Variants in SHANK2 observed in about 807,000 individuals in gnomAD.
The protein encoded by SHANK2 is SH3 and multiple ankyrin repeat domains 2, also known as SH3 and multiple ankyrin repeat domains protein 2.
A neutral mutation model predicts 133.7 loss-of-function variants in SHANK2; 43 were observed. That is an observed-to-expected ratio of 0.32 (90% CI 0.25 to 0.41). The LOEUF (loss-of-function observed/expected upper bound fraction) is 0.41. Ranked by LOEUF, SHANK2 falls within the 10% of genes least tolerant of loss-of-function variation. The pLI, the probability that SHANK2 is intolerant of heterozygous loss-of-function variation, is 1.00. For synonymous variants in SHANK2, 1,017 were observed against 952.8 expected (o/e 1.07, Z -1.24); for missense variants, 1,994 against 2,235.8 (o/e 0.89, Z 2.18).
At chr11:71,058,757 C>T (rs1950951605) in intron 9 of SHANK2, among the ~76,000 whole-genome samples, 1 of 152,218 alleles carries the variant, frequency 6.6e-6, no homozygotes, top group Admixed American at 6.5e-5. Context: ...CAAATATACA[C>T]CGAATAAAGG....
intron 1 of SHANK2, among the ~76,000 whole-genome samples, chr11:71,241,518 T>C (rs1462138216): frequency 6.6e-6 from 1 of 152,124 alleles, no homozygotes; most frequent in African/African-American, 2.4e-5. Flanking sequence ...GCGTTTAAGA[T>C]CATGAGGCAA....
rs557629349 is a variant in SHANK2 at position 71,108,243 on chromosome 11, C to G, written c.592+1698G>C. Among the ~76,000 whole-genome samples, 41 of 152,324 alleles carry G rather than the reference C, an allele frequency of 2.7e-4. 1 individual carries two copies. Among genetic ancestry groups the G allele is most frequent in the African/African-American group, 8.9e-4 (37 of 41,582 alleles). On this transcript the variant is annotated intron_variant, in intron 6 of 25. Coordinates refer to ENST00000601538, the MANE Select transcript of SHANK2 (RefSeq NM_012309.5). Reference sequence around the variant, plus strand: ...AGGGGCCATCACTGAAGAGAAGCTGCCACATCAGCGCAGCACGAGACGCAT... The same window carrying G: ...AGGGGCCATCACTGAAGAGAAGCTGGCACATCAGCGCAGCACGAGACGCAT...
At chr11:71,248,671 A>G (rs930365689) in intron 1 of SHANK2, among the ~76,000 whole-genome samples, 17 of 152,170 alleles carry the variant, frequency 1.1e-4, no homozygotes, top group African/African-American at 4.1e-4. Context: ...TCCTGACGTT[A>G]TTATTGTGAC....
chr11:70,770,326 G>A (rs1355972884), intron 14 of SHANK2, among the ~76,000 whole-genome samples: 1 of 152,234 alleles, frequency 6.6e-6, no homozygotes, highest in Non-Finnish European at 1.5e-5. Context: ...GACTTGGGAA[G>A]GCCCCTGAGG....
chr11:71,201,402 G>A (rs571792622), intron 2 of SHANK2, among the ~76,000 whole-genome samples: 55 of 152,344 alleles, frequency 3.6e-4, no homozygotes, highest in Non-Finnish European at 7.3e-5. Flanking sequence ...CGGAGATTGC[G>A]CCGAGCTGGC....
intron 25 of SHANK2, among the ~76,000 whole-genome samples, chr11:70,484,508 C>T (rs940021580): frequency 2.0e-5 from 3 of 152,140 alleles, no homozygotes; most frequent in Non-Finnish European, 4.4e-5. Context: ...GCCTGCAGAA[C>T]TCGAGCCAAT....
intron 17 of SHANK2, among the ~76,000 whole-genome samples, chr11:70,529,721 G>T (rs528015351): frequency 6.6e-6 from 1 of 151,906 alleles, no homozygotes; most frequent in African/African-American, 2.4e-5. Context: ...ACTGGTAACC[G>T]CTCACCTCCT....
chr11:70,869,860 G>T (rs67046991), intron 11 of SHANK2, among the ~76,000 whole-genome samples: 5,368 of 152,238 alleles, frequency 0.035, 133 homozygotes, highest in Middle Eastern at 0.065. Flanking sequence ...CTGGGTCAGT[G>T]CAGGGACCTC....
At chr11:70,638,494 C>T (rs1591687042) in intron 17 of SHANK2, among the ~76,000 whole-genome samples, 1 of 152,206 alleles carries the variant, frequency 6.6e-6, no homozygotes, top group Non-Finnish European at 1.5e-5. Context: ...CTCTGATCCT[C>T]TCTGCTTTAA....
intron 9 of SHANK2, among the ~76,000 whole-genome samples, chr11:71,059,201 G>A (rs1265730384): frequency 3.3e-5 from 5 of 152,126 alleles, no homozygotes; most frequent in African/African-American, 1.2e-4. Context: ...TGGGCAACAA[G>A]AGCGAAACTC....
intron 1 of SHANK2, among the ~76,000 whole-genome samples, chr11:71,248,246 G>A (rs1178682712): frequency 6.6e-6 from 1 of 152,260 alleles, no homozygotes; most frequent in Admixed American, 6.5e-5. Flanking sequence ...GTCCATCAGC[G>A]GCATCAAACC....
chr11:71,144,189 G>A (rs576130263), intron 3 of SHANK2, among the ~76,000 whole-genome samples: 1 of 150,422 alleles, frequency 6.6e-6, no homozygotes, highest in East Asian at 1.9e-4. Flanking sequence ...ACCCAACAAG[G>A]CTCAGGAGGT....
At chr11:70,593,828 C>T (rs149644177) in intron 17 of SHANK2, among the ~76,000 whole-genome samples, 2 of 152,266 alleles carry the variant, frequency 1.3e-5, no homozygotes, top group Non-Finnish European at 2.9e-5. Context: ...TTAGTTCCTT[C>T]GTTCGTTCGT....
At chr11:70,700,437 G>A (rs551146998) in intron 14 of SHANK2, among the ~76,000 whole-genome samples, 12 of 152,170 alleles carry the variant, frequency 7.9e-5, no homozygotes, top group Non-Finnish European at 7.3e-5. Flanking sequence ...GCTCAGGGCC[G>A]TGGGAGCCCT....
At chr11:70,572,458 TCAC>T (rs534397641) in intron 17 of SHANK2, among the ~76,000 whole-genome samples, 45 of 152,264 alleles carry the variant, frequency 3.0e-4, no homozygotes, top group Non-Finnish European at 5.6e-4. Context: ...CCATGCCTGG[TCAC>T]CCCTGCTGTT....
intron 1 of SHANK2, among the ~76,000 whole-genome samples, chr11:71,245,802 T>C (rs539155881): frequency 6.6e-6 from 1 of 152,346 alleles, no homozygotes; most frequent in East Asian, 1.9e-4. Context: ...TTGGGGCCAC[T>C]GTAGGACCTT....
chr11:70,773,347 A>G (rs1197054569), intron 14 of SHANK2, among the ~76,000 whole-genome samples: 1 of 152,256 alleles, frequency 6.6e-6, no homozygotes, highest in Non-Finnish European at 1.5e-5. Flanking sequence ...CTGCAGTATC[A>G]TAAGTCAGAA....
chr11:70,860,283 A>G (rs1949237928), intron 11 of SHANK2, among the ~76,000 whole-genome samples: 1 of 152,178 alleles, frequency 6.6e-6, no homozygotes, highest in South Asian at 2.1e-4. Context: ...TCAGCTCTGT[A>G]CTTGGCACCC....
chr11:70,693,255 ACGCCCTCCAATGC>A (rs573529108), intron 15 of SHANK2, among the ~76,000 whole-genome samples: 9 of 152,262 alleles, frequency 5.9e-5, no homozygotes, highest in African/African-American at 2.2e-4. Flanking sequence ...CTTCTGCCTA[ACGCCCTCCAATGC>A]CTCCACTGCA....
Sources: gnomAD v4.1 joint callset for allele counts (sites outside exome capture counted in the v4.1 genomes callset) on GRCh38, gnomAD v4.1.1 for gene constraint, MANE v1.5 for transcripts, NCBI Gene and HGNC (gene_info 2026-07-23, HGNC 2026-07-21) for gene names.